Variants in MCF2 observed in about 807,000 individuals in gnomAD.
The protein encoded by MCF2 is proto-oncogene DBL.
In MCF2, 44 loss-of-function variants were observed where a neutral mutation model predicts 82.5. That is an observed-to-expected ratio of 0.53 (90% CI 0.42 to 0.69). MCF2 has a LOEUF of 0.69. Ranked by LOEUF, MCF2 falls within the 30% of genes least tolerant of loss-of-function variation. MCF2 has a pLI of 0.00. For synonymous variants in MCF2, 217 were observed against 224.9 expected (o/e 0.96, Z 0.32); for missense variants, 623 against 663.1 (o/e 0.94, Z 0.66).
intron 6 of MCF2, among the ~76,000 whole-genome samples, chrX:139,622,186 T>A (rs1417981638): frequency 8.9e-6 from 1 of 111,807 alleles, no homozygotes; most frequent in South Asian, 3.7e-4. Context: ...TGAGATACCA[T>A]CTCACACAAG....
chrX:139,690,128 C>T, intron 1 of MCF2, among the ~76,000 whole-genome samples: 1 of 111,332 alleles, frequency 9.0e-6, no homozygotes, highest in Non-Finnish European at 1.9e-5. Context: ...AAACACAGCA[C>T]AGCAACTGGT....
chrX:139,636,031 A>G (rs1460742773), intron 1 of MCF2, among the ~76,000 whole-genome samples: 1 of 111,920 alleles, frequency 8.9e-6, no homozygotes, highest in Admixed American at 9.5e-5. Flanking sequence ...AAAGTGGGCC[A>G]AGGACATGAA....
At chrX:139,605,071 T>C in intron 13 of MCF2, 87 bp from the exon 18 acceptor site, 1 of 377,690 alleles carries the variant, frequency 2.6e-6, no homozygotes. Context: ...CAGCAGAATA[T>C]TAAGGGATTT....
intron 1 of MCF2, chrX:139,692,123 C>T (rs1935284977): frequency 8.6e-7 from 1 of 1,156,799 alleles, no homozygotes; most frequent in Non-Finnish European, 1.2e-6. Context: ...CAGCTTGGGG[C>T]ATGTGCCTGG....
intron 1 of MCF2, chrX:139,692,197 GC>G (rs1935287723): frequency 2.4e-6 from 2 of 843,074 alleles, no homozygotes; most frequent in East Asian, 7.2e-5. Flanking sequence ...ACGCTGGAGA[GC>G]CGGGCAGGGC....
At chrX:139,632,835 T>G (rs1165665598) in intron 1 of MCF2, among the ~76,000 whole-genome samples, 1 of 111,961 alleles carries the variant, frequency 8.9e-6, no homozygotes, top group Non-Finnish European at 1.9e-5. Context: ...AAAGGGTTTT[T>G]GTCTGTGTAT....
At chrX:139,647,619 G>A (rs1040253154), upstream of MCF2, among the ~76,000 whole-genome samples, 4 of 110,757 alleles carry the variant, frequency 3.6e-5, no homozygotes, top group African/African-American at 1.3e-4. Flanking sequence ...GGATCCCAGT[G>A]CTCATAGGTG....
chrX:139,582,695 G>C (rs1928581459), intron 24 of MCF2, among the ~76,000 whole-genome samples, 192 bp from the exon 29 acceptor site: 1 of 111,058 alleles, frequency 9.0e-6, no homozygotes, highest in Non-Finnish European at 1.9e-5. Context: ...AAACTAATAG[G>C]TTTTTCTATA....
chrX:139,658,089 A>C (rs921267854), intron 1 of MCF2, among the ~76,000 whole-genome samples: 1 of 111,669 alleles, frequency 9.0e-6, no homozygotes, highest in South Asian at 3.8e-4. Context: ...AAGCAAAAAA[A>C]ATCTATATAC....
At chrX:139,659,830 T>G (rs1934308242) in intron 1 of MCF2, among the ~76,000 whole-genome samples, 1 of 111,991 alleles carries the variant, frequency 8.9e-6, no homozygotes, top group Non-Finnish European at 1.9e-5. Context: ...ACCACCAATA[T>G]GAAAACAGAC....
At chrX:139,648,984 A>G (rs777073598) in intron 2 of MCF2, among the ~76,000 whole-genome samples, 1 of 112,309 alleles carries the variant, frequency 8.9e-6, no homozygotes, top group African/African-American at 3.2e-5. Context: ...TCAATAATTG[A>G]TAGAACAAGT....
chrX:139,623,174 A>G (rs746213296), intron 6 of MCF2, among the ~76,000 whole-genome samples: 1 of 111,723 alleles, frequency 9.0e-6, no homozygotes, highest in Non-Finnish European at 1.9e-5. Flanking sequence ...GGCATCCTGA[A>G]TATTTAAGAA....
chrX:139,620,844 T>C (rs2148469674), intron 6 of MCF2, among the ~76,000 whole-genome samples: 1 of 111,840 alleles, frequency 8.9e-6, no homozygotes, highest in Non-Finnish European at 1.9e-5. Context: ...ACAGCCTTTT[T>C]CACAGAATTA....
At chrX:139,638,001 C>G (rs1172141048) in intron 1 of MCF2, among the ~76,000 whole-genome samples, 1 of 111,471 alleles carries the variant, frequency 9.0e-6, no homozygotes, top group Non-Finnish European at 1.9e-5. Flanking sequence ...AGATTCTTCT[C>G]TAGAGACTCC....
intron 1 of MCF2, among the ~76,000 whole-genome samples, chrX:139,638,571 T>G (rs774309644): frequency 1.8e-5 from 2 of 111,737 alleles, no homozygotes; most frequent in Non-Finnish European, 3.8e-5. Flanking sequence ...CATGTTGTCA[T>G]GTGGCAAGGT....
At chrX:139,635,832 C>G (rs1239086749) in intron 1 of MCF2, among the ~76,000 whole-genome samples, 2 of 110,147 alleles carry the variant, frequency 1.8e-5, no homozygotes, top group African/African-American at 6.6e-5. Context: ...AGGTATTAAG[C>G]TCAGTACCCA....
intron 10 of MCF2, among the ~76,000 whole-genome samples, chrX:139,610,952 C>T (rs753828833): frequency 8.9e-6 from 1 of 112,247 alleles, no homozygotes; most frequent in Admixed American, 9.5e-5. Flanking sequence ...ACCATATAAA[C>T]ATTTCCAAAG....
Position 139,626,620 on chromosome X carries a change from CACTT to C in MCF2, c.571_572+2del, listed in dbSNP as rs778061687. On this transcript the variant is annotated splice_donor_variant and coding_sequence_variant, in exon 5 of 25. Transcript: ENST00000370576. LOFTEE classifies it high-confidence loss of function. ...AACTCTAAACCAAAAAGAGAGTACTCACTTATTAATAGTTTGCCAGTCACCACTT... is the reference window on the plus strand; with the variant it reads ...AACTCTAAACCAAAAAGAGAGTACTCATTAATAGTTTGCCAGTCACCACTT... 1 of 1,204,037 alleles carries C rather than the reference CACTT, an allele frequency of 8.3e-7. No homozygotes were observed. Among genetic ancestry groups the C allele is most frequent in the Non-Finnish European group, 1.1e-6 (1 of 890,397 alleles).
chrX:139,588,523 G>A, intron 20 of MCF2, 85 bp from the exon 25 acceptor site: 2 of 577,177 alleles, frequency 3.5e-6, no homozygotes, highest in African/African-American at 2.3e-5. Flanking sequence ...ATGTAATTGT[G>A]TACATAAAAT....
Sources: gnomAD v4.1 joint callset for allele counts (sites outside exome capture counted in the v4.1 genomes callset) on GRCh38, gnomAD v4.1.1 for gene constraint, MANE v1.5 for transcripts, NCBI Gene and HGNC (gene_info 2026-07-23, HGNC 2026-07-21) for gene names.